MGLL: variants seen among roughly 807,000 people sequenced by gnomAD.
MGLL encodes monoglyceride lipase.
Under a neutral mutation model 29.1 loss-of-function variants are expected in MGLL, and 7 were observed. That is an observed-to-expected ratio of 0.24 (90% confidence interval 0.14 to 0.45). The LOEUF (loss-of-function observed/expected upper bound fraction) is 0.45, where lower values mean the gene tolerates loss of function less well. Ranked by LOEUF, MGLL falls within the 20% of genes least tolerant of loss-of-function variation. MGLL has a pLI of 0.99. For missense variants in MGLL, 356 were observed against 413.6 expected (o/e 0.86, Z 1.21); for synonymous variants, 148 against 168.3 (o/e 0.88, Z 0.93).
intron 2 of MGLL, among the ~76,000 whole-genome samples, chr3:127,803,976 T>C (rs2077522600): frequency 1.3e-5 from 2 of 152,192 alleles, no homozygotes; most frequent in African/African-American, 2.4e-5. Context: ...TGTTTTCTCC[T>C]TGTGGTCACC....
At chr3:127,757,113 A>G (rs2076678683) in intron 3 of MGLL, among the ~76,000 whole-genome samples, 1 of 152,200 alleles carries the variant, frequency 6.6e-6, no homozygotes, top group Non-Finnish European at 1.5e-5. Context: ...ACCACCATCA[A>G]CAGCTTCTGC....
intron 3 of MGLL, among the ~76,000 whole-genome samples, chr3:127,741,324 G>A (rs1298597931): frequency 6.6e-6 from 1 of 152,210 alleles, no homozygotes; most frequent in African/African-American, 2.4e-5. Flanking sequence ...GCTTTCTTGG[G>A]GGGGAAAGTG....
intron 3 of MGLL, among the ~76,000 whole-genome samples, chr3:127,765,235 C>T (rs1180351458): frequency 6.6e-6 from 1 of 152,202 alleles, no homozygotes; most frequent in Non-Finnish European, 1.5e-5. Flanking sequence ...ACAAGTGACT[C>T]ATTTAAACAC....
intron 2 of MGLL, among the ~76,000 whole-genome samples, chr3:127,814,385 C>T (rs1235103543): frequency 6.6e-6 from 1 of 152,154 alleles, no homozygotes; most frequent in African/African-American, 2.4e-5. Context: ...AAACTCCTAC[C>T]AACAAGAATC....
chr3:127,726,141 A>AAAGAAAGAAAGAAAGAAAGG (rs2076029583), intron 3 of MGLL, among the ~76,000 whole-genome samples: 3 of 25,622 alleles, frequency 1.2e-4, no homozygotes, highest in Non-Finnish European at 2.7e-4. Context: ...AGAAAGAAAG[A>AAAGAAAGAAAGAAAGAAAGG]AAGAAAGAAA....
At chr3:127,810,812 A>C (rs1054649976) in intron 2 of MGLL, among the ~76,000 whole-genome samples, 2 of 152,192 alleles carry the variant, frequency 1.3e-5, no homozygotes, top group Non-Finnish European at 2.9e-5. Context: ...AGCTCAATTA[A>C]TACCTGTTGA....
chr3:127,698,177 G>A (rs2075409055), intron 6 of MGLL, among the ~76,000 whole-genome samples: 1 of 152,196 alleles, frequency 6.6e-6, no homozygotes, highest in South Asian at 2.1e-4. Context: ...AGAAAGAGCA[G>A]GCCCCTGATG....
chr3:127,763,763 G>A lies in MGLL; in HGVS notation c.262+18026C>T, dbSNP rs189191168. On this transcript the variant is annotated intron_variant, in intron 3 of 7. Transcript: ENST00000265052. ...CTTCTCCTCTTCCTACTGCCCTCCCGTCCTCAAACTCTCCCAGAGACTGAA... is the reference window on the plus strand; with the variant it reads ...CTTCTCCTCTTCCTACTGCCCTCCCATCCTCAAACTCTCCCAGAGACTGAA... Among the ~76,000 whole-genome samples, 294 of 152,014 alleles carry A rather than the reference G, an allele frequency of 1.9e-3. 2 individuals carry two copies. The highest frequency in any genetic ancestry group is 9.6e-3 in the South Asian group (46 of 4,792).
intron 3 of MGLL, among the ~76,000 whole-genome samples, chr3:127,724,671 C>A (rs1423882264): frequency 6.6e-6 from 1 of 152,126 alleles, no homozygotes; most frequent in African/African-American, 2.4e-5. Context: ...CTGGATGCAG[C>A]CGCTGCTCCT....
intron 2 of MGLL, among the ~76,000 whole-genome samples, chr3:127,804,551 T>C (rs1382888321): frequency 6.6e-6 from 1 of 152,176 alleles, no homozygotes. Context: ...ATCTTTAGGG[T>C]GCTTTCCAAC....
chr3:127,752,322 C>T (rs1207599804), intron 3 of MGLL, among the ~76,000 whole-genome samples: 1 of 152,242 alleles, frequency 6.6e-6, no homozygotes, highest in Non-Finnish European at 1.5e-5. Context: ...TGGCCTCGAA[C>T]TCCTGACCTC....
At chr3:127,821,601 G>A (rs1185447557) in intron 2 of MGLL, 93 bp downstream of exon 2, 8 of 1,462,144 alleles carry the variant, frequency 5.5e-6, no homozygotes, top group African/African-American at 2.8e-5. Flanking sequence ...TAGAGAAAGC[G>A]GCCCCGCCCC....
chr3:127,721,539 G>A (rs1348476873), intron 4 of MGLL, among the ~76,000 whole-genome samples: 1 of 147,438 alleles, frequency 6.8e-6, no homozygotes, highest in Non-Finnish European at 1.5e-5. Flanking sequence ...TTGGTGGGGG[G>A]TAATCTGATC....
intron 2 of MGLL, among the ~76,000 whole-genome samples, chr3:127,798,112 T>C (rs1185011469): frequency 1.3e-5 from 2 of 152,238 alleles, no homozygotes; most frequent in East Asian, 3.8e-4. Flanking sequence ...AAACCCGATG[T>C]ACCTACTAAC....
chr3:127,791,961 G>A (rs1051303715), intron 2 of MGLL, among the ~76,000 whole-genome samples: 1 of 152,146 alleles, frequency 6.6e-6, no homozygotes, highest in Non-Finnish European at 1.5e-5. Context: ...TCAGCTATTC[G>A]GGAGGCTGAG....
chr3:127,708,991 T>A (rs1476401648), intron 6 of MGLL, among the ~76,000 whole-genome samples: 1 of 152,240 alleles, frequency 6.6e-6, no homozygotes, highest in Admixed American at 6.5e-5. Flanking sequence ...TGCCCCTGAC[T>A]AGTTGTGCAA....
chr3:127,710,811 C>G (rs1559914135), intron 5 of MGLL, 146 bp from the exon 6 acceptor site: 1 of 743,774 alleles, frequency 1.3e-6, no homozygotes, highest in Non-Finnish European at 2.4e-6. Flanking sequence ...CGTCCTTAAG[C>G]CTGCATGCCC....
chr3:127,724,256 T>C (rs991356161), intron 3 of MGLL, among the ~76,000 whole-genome samples: 1 of 152,216 alleles, frequency 6.6e-6, no homozygotes, highest in Non-Finnish European at 1.5e-5. Context: ...CTACTCCACT[T>C]TCTGCTTCTA....
chr3:127,783,316 C>T (rs2077161073), intron 2 of MGLL, among the ~76,000 whole-genome samples: 1 of 152,174 alleles, frequency 6.6e-6, no homozygotes, highest in Non-Finnish European at 1.5e-5. Context: ...TCGGCGGAGG[C>T]TCCCAGTGCC....
Sources: gnomAD v4.1 joint callset for allele counts (sites outside exome capture counted in the v4.1 genomes callset) on GRCh38, gnomAD v4.1.1 for gene constraint, MANE v1.5 for transcripts, NCBI Gene and HGNC (gene_info 2026-07-23, HGNC 2026-07-21) for gene names.